The following CLCC1 variants were observed in gnomAD, a reference collection of about 807,000 sequenced individuals.
The protein encoded by CLCC1 is chloride channel CLIC like 1, also known as chloride channel CLIC-like protein 1.
Under a neutral mutation model 63.3 loss-of-function variants are expected in CLCC1, and 39 were observed. The observed-to-expected ratio is 0.62, with a 90% CI of 0.48 to 0.81. CLCC1 has a LOEUF of 0.81. Ranked by LOEUF, CLCC1 falls within the 30% of genes least tolerant of loss-of-function variation. The probability of loss-of-function intolerance (pLI) is 0.00; values close to 1 mark genes in which losing one functional copy is unlikely to be tolerated. For synonymous variants in CLCC1, 217 were observed against 239.8 expected, an observed-to-expected ratio of 0.90 and a Z score of 0.88; for missense variants, 549 against 669.4, an observed-to-expected ratio of 0.82 and a Z score of 1.98.
At chr1:108,961,747 T>C (rs1405795485) in intron 2 of CLCC1, among the ~76,000 whole-genome samples, 1 of 151,916 alleles carries the variant, frequency 6.6e-6, no homozygotes, top group Non-Finnish European at 1.5e-5. Context: ...TAATCCCAGC[T>C]ACTCGGGAGG....
intron 2 of CLCC1, among the ~76,000 whole-genome samples, chr1:108,950,990 C>T (rs752090021): frequency 6.6e-5 from 10 of 152,038 alleles, no homozygotes; most frequent in Admixed American, 5.9e-4. Context: ...CCATATGGCC[C>T]AGCAATTCCA....
intron 3 of CLCC1, 87 bp downstream of exon 3, chr1:108,950,222 A>G (rs1347945014): frequency 2.3e-6 from 3 of 1,319,102 alleles, no homozygotes; most frequent in Non-Finnish European, 3.1e-6. Flanking sequence ...CATGACCCTC[A>G]TAGCTCTGTG....
chr1:108,934,373 G>C (rs1314603045), intron 12 of CLCC1: 3 of 335,204 alleles, frequency 8.9e-6, no homozygotes, highest in Non-Finnish European at 1.6e-5. Flanking sequence ...ATTCAAACTG[G>C]CCTCCTTAAC....
rs768946326 is a variant in CLCC1, at chr1:108,929,954, A to AT, written c.*2592dup. 47 of 1,608,698 alleles carry AT rather than the reference A, an allele frequency of 2.9e-5. No individual in the cohort carries two copies. Among genetic ancestry groups the AT allele is most frequent in the Middle Eastern group, 1.7e-4 (1 of 5,946 alleles). On this transcript the variant is annotated 3_prime_UTR_variant, in exon 13 of 13. Coordinates refer to ENST00000369969, the MANE Select transcript of CLCC1 (RefSeq NM_001377458.1). ...GCAGACCATTAGTTACTATGGATTT[A>AT]TTTTTTTTCCTTTCAAACACGGTAA...
chr1:108,942,738 A>T (rs1654001379), intron 7 of CLCC1, among the ~76,000 whole-genome samples: 1 of 152,222 alleles, frequency 6.6e-6, no homozygotes, highest in African/African-American at 2.4e-5. Flanking sequence ...TTTAAAAATT[A>T]ATTTCCTTGT....
intron 10 of CLCC1, 27 bp downstream of exon 10, chr1:108,939,609 C>T (rs192826699): frequency 2.0e-5 from 32 of 1,604,426 alleles, no homozygotes; most frequent in Middle Eastern, 3.3e-4. Context: ...GCGCCTGGCC[C>T]GACAGTGCTA....
Position 108,943,389 on chromosome 1 carries a change from A to G in CLCC1, c.702+86T>C, listed in dbSNP as rs1441375455. ...AATCACTGCCTCCAACCCACATCCA[A>G]GGCAAGATTGCTCTCAATGGATTAG... On this transcript the variant is annotated intron_variant, in intron 7 of 12. Coordinates refer to ENST00000369969, the MANE Select transcript of CLCC1 (RefSeq NM_001377458.1). 5 of 1,404,162 alleles carry G rather than the reference A, an allele frequency of 3.6e-6. No individual in the cohort carries two copies. The African/African-American group carries it at 4.3e-5, about 12-fold the overall frequency. 87.0% of individuals were successfully genotyped at this position (1,404,162 alleles called of 1,614,324 possible). A position where few individuals can be genotyped will look rare whatever the true frequency, so the allele number is the denominator to read the frequency against.
chr1:108,930,207 A>G lies in CLCC1; in HGVS notation c.*2340T>C. ...GGCAGCTTGTGAGATTACTTTACCTAGTGTTTATAAAGTAGGAAGTTAAGT... is the reference window on the plus strand; with the variant it reads ...GGCAGCTTGTGAGATTACTTTACCTGGTGTTTATAAAGTAGGAAGTTAAGT... On this transcript the variant is annotated 3_prime_UTR_variant, in exon 13 of 13. Transcript: ENST00000369969. 1 of 378,250 alleles carries G rather than the reference A, an allele frequency of 2.6e-6. No homozygotes were observed. 23.4% of individuals were successfully genotyped at this position (378,250 alleles called of 1,614,324 possible).
chr1:108,954,556 C>T lies in CLCC1; in HGVS notation c.-11-4108G>A, dbSNP rs1437308480. The stretch of plus-strand genomic sequence containing the variant: ...ACTAAGCGCACAGGAGGAGGAAAAC[C>T]TGGATTCATTATCCAACAAAGAGGC... On this transcript the variant is annotated intron_variant, in intron 2 of 12. Transcript: ENST00000369969. 4.0e-5 allele frequency among the ~76,000 whole-genome samples: 6 copies of T among 151,012 alleles called. 1 individual carries two copies. Among genetic ancestry groups the T allele is most frequent in the African/African-American group, 1.2e-4 (5 of 40,430 alleles).
At position 108,943,958 on chromosome 1, in the gene CLCC1, T is replaced by C. The variant is rs1553221326; in HGVS notation, c.439A>G (p.Lys147Glu). ...AGTGCATCATCCAAGGCACCTGGTT[T>C]CCAGTCTTCTCCATTGAGAAACTTC... is the stretch of plus-strand genomic sequence containing the variant. ...IQKFLNGEDW[K>E]PGALDDALSD... The change falls in exon 6 of 13, where the codon AAA (lysine) becomes GAA (glutamate). Residue 147 changes from lysine to glutamate, a missense_variant. Transcript: ENST00000369969. The C allele has an allele frequency of 6.2e-7, 1 of 1,613,560 alleles. No individual in the cohort carries two copies. Among genetic ancestry groups the C allele is most frequent in the South Asian group, 1.1e-5 (1 of 90,954 alleles).
chr1:108,947,602 AAT>A lies in CLCC1; in HGVS notation c.339+7_339+8del. 6.6e-7 allele frequency: 1 copy of A among 1,507,920 alleles called. No individual in the cohort carries two copies. The highest frequency in any genetic ancestry group is 2.3e-5 in the East Asian group (1 of 44,294). The allele number at this position is 1,507,920 out of a possible 1,614,324, so 93.4% of individuals were successfully genotyped here. A position where few individuals can be genotyped will look rare whatever the true frequency, so the allele number is the denominator to read the frequency against. On this transcript the variant is annotated splice_region_variant and intron_variant, in intron 5 of 12. Coordinates refer to ENST00000369969, the MANE Select transcript of CLCC1 (RefSeq NM_001377458.1). ...TATACGGATTAGTATCACACCATCA[AAT>A]ACTCACAAGTCCAAGCTTTCCAGCT...
At chr1:108,942,979 A>C (rs1397267523) in intron 7 of CLCC1, among the ~76,000 whole-genome samples, 1 of 151,986 alleles carries the variant, frequency 6.6e-6, no homozygotes, top group African/African-American at 2.4e-5. Context: ...GCAGCAGCGC[A>C]ATCTTGGCTC....
chr1:108,962,617 C>T (rs1467663837), intron 1 of CLCC1, 148 bp from the exon 2 acceptor site: 1 of 152,224 alleles, frequency 6.6e-6, no homozygotes, highest in Non-Finnish European at 1.5e-5. Flanking sequence ...GCTTGTAATC[C>T]CAGCACTTTG....
chr1:108,936,458 A>G (rs546106528), intron 11 of CLCC1, among the ~76,000 whole-genome samples: 1 of 152,338 alleles, frequency 6.6e-6, no homozygotes, highest in East Asian at 1.9e-4. Context: ...GGATTCTATA[A>G]TTTCCCAGAT....
intron 2 of CLCC1, among the ~76,000 whole-genome samples, chr1:108,958,690 C>T (rs945003508): frequency 1.3e-5 from 2 of 149,336 alleles, no homozygotes; most frequent in East Asian, 4.0e-4. Context: ...ACCAGCGTGG[C>T]CAACATGGCG....
In CLCC1 at chr1:108,931,870, T is replaced by A. The variant is rs1652031580; in HGVS notation, c.*677A>T. The A allele has an allele frequency of 6.0e-6, 1 of 165,852 alleles. No individual in the cohort carries two copies. The highest frequency in any genetic ancestry group is 2.4e-5 in the African/African-American group (1 of 41,600). 10.3% of individuals were successfully genotyped at this position (165,852 alleles called of 1,614,324 possible). A position where few individuals can be genotyped will look rare whatever the true frequency, so the allele number is the denominator to read the frequency against. Reference sequence around the variant, plus strand: ...TTGTACACAAAGTACAAACTTTGTGTATTATTTTGTGTATACAATAGTTCT... The same window carrying A: ...TTGTACACAAAGTACAAACTTTGTGAATTATTTTGTGTATACAATAGTTCT... On this transcript the variant is annotated 3_prime_UTR_variant, in exon 13 of 13. Transcript: ENST00000369969.
chr1:108,941,182 T>A (rs543658100), intron 8 of CLCC1, among the ~76,000 whole-genome samples: 1 of 152,246 alleles, frequency 6.6e-6, no homozygotes, highest in Non-Finnish European at 1.5e-5. Flanking sequence ...GGAAGACAGA[T>A]AATATCAGAG....
intron 1 of CLCC1, among the ~76,000 whole-genome samples, 179 bp from the exon 2 acceptor site, chr1:108,962,648 C>G (rs949112711): frequency 6.6e-6 from 1 of 152,144 alleles, no homozygotes; most frequent in African/African-American, 2.4e-5. Flanking sequence ...ATGGGAAGAT[C>G]CTTTGAGCCC....
intron 2 of CLCC1, among the ~76,000 whole-genome samples, chr1:108,951,329 C>A (rs1235118306): frequency 1.3e-5 from 2 of 152,174 alleles, no homozygotes; most frequent in African/African-American, 2.4e-5. Context: ...TTGCAGTGAG[C>A]CAAGATCACA....
Sources: gnomAD v4.1 joint callset for allele counts (sites outside exome capture counted in the v4.1 genomes callset) on GRCh38, gnomAD v4.1.1 for gene constraint, MANE v1.5 for transcripts, NCBI Gene and HGNC (gene_info 2026-07-23, HGNC 2026-07-21) for gene names.